Variants in CPT1A observed in about 807,000 individuals in gnomAD.
CPT1A encodes the protein carnitine O-palmitoyltransferase 1, liver isoform.
Under a neutral mutation model 100.8 loss-of-function variants are expected in CPT1A, and 64 were observed. The ratio of observed to expected loss-of-function variants is 0.63; its 90% CI spans 0.52 to 0.78. The LOEUF is 0.78. Ranked by LOEUF, CPT1A falls within the 30% of genes least tolerant of loss-of-function variation. CPT1A has a pLI of 0.00. For missense variants in CPT1A, 802 were observed against 1,034.1 expected (o/e 0.78, Z 3.08); for synonymous variants, 363 against 396.0 (o/e 0.92, Z 0.99).
At position 68,756,720 on chromosome 11, in the gene CPT1A, G is replaced by A. The variant is rs1566335610; in HGVS notation, c.*924C>T. ...CTTGAGTGAATTATCTGACCATCAC[G>A]GCCCTTGCTCCCCTTTTATGACATG... On this transcript the variant is annotated 3_prime_UTR_variant, in exon 19 of 19. Coordinates refer to ENST00000265641, the MANE Select transcript of CPT1A (RefSeq NM_001876.4). 6.6e-6 allele frequency: 1 copy of A among 152,172 alleles called. No individual in the cohort carries two copies. The highest frequency in any genetic ancestry group is 1.5e-5 in the Non-Finnish European group (1 of 68,056). 9.4% of individuals were successfully genotyped at this position (152,172 alleles called of 1,614,324 possible).
chr11:68,809,690 C>G (rs1347145616), intron 3 of CPT1A, among the ~76,000 whole-genome samples: 2 of 152,162 alleles, frequency 1.3e-5, no homozygotes, highest in Non-Finnish European at 2.9e-5. Flanking sequence ...CAGGAAATGG[C>G]CCATGAGGCT....
chr11:68,798,071 C>T lies in CPT1A; in HGVS notation c.694-1138G>A, dbSNP rs146393738. Among the ~76,000 whole-genome samples, 755 of 152,308 alleles carry T rather than the reference C, an allele frequency of 5.0e-3. 2 individuals are homozygous for T. Among genetic ancestry groups the T allele is most frequent in the Non-Finnish European group, 8.6e-3 (587 of 68,024 alleles). On this transcript the variant is annotated intron_variant, in intron 6 of 18. Coordinates refer to ENST00000265641, the MANE Select transcript of CPT1A (RefSeq NM_001876.4). ...TCCCAGGTCTGCCTGAAGAAGCCACCGTCCCAGTCCGTGGCACTAACCTGG... is the reference window on the plus strand; with the variant it reads ...TCCCAGGTCTGCCTGAAGAAGCCACTGTCCCAGTCCGTGGCACTAACCTGG...
At chr11:68,783,590 C>T (rs1566356745) in intron 10 of CPT1A, among the ~76,000 whole-genome samples, 2 of 152,218 alleles carry the variant, frequency 1.3e-5, no homozygotes, top group Admixed American at 6.5e-5. Flanking sequence ...CCAGCGATAG[C>T]GTAGCAGTTG....
intron 13 of CPT1A, chr11:68,773,696 G>A (rs1011119996): frequency 1.6e-5 from 7 of 449,024 alleles, no homozygotes; most frequent in Non-Finnish European, 2.9e-5. Flanking sequence ...GGAATATCAC[G>A]CGACCATCAG....
chr11:68,793,034 A>C (rs1175177723), intron 9 of CPT1A, among the ~76,000 whole-genome samples: 1 of 142,014 alleles, frequency 7.0e-6, no homozygotes, highest in Non-Finnish European at 1.5e-5. Flanking sequence ...GGTGGCAGAG[A>C]GAGACCTCAT....
At chr11:68,842,836 G>A (rs1038265393), upstream of CPT1A, among the ~76,000 whole-genome samples, 3 of 152,230 alleles carry the variant, frequency 2.0e-5, no homozygotes, top group Admixed American at 2.0e-4. Context: ...AGCGTAACAG[G>A]AGGGCCAAGG....
In CPT1A at chr11:68,841,818, C is replaced by T; in HGVS notation, c.-57G>A. On this transcript the variant is annotated 5_prime_UTR_variant, in exon 1 of 19. Transcript: ENST00000265641. The surrounding 1 kb of genome is among the most constrained non-coding windows in gnomAD (Gnocchi z 6.3). ...GCGGCAGCGGCAGCGGCAGCGGCGG[C>T]GGCGGCGGCGGCGGTGGAGTGAACG... 1 of 997,732 alleles carries T rather than the reference C, an allele frequency of 1.0e-6. No individual in the cohort carries two copies. The highest frequency in any genetic ancestry group is 1.2e-6 in the Non-Finnish European group (1 of 840,402). The allele number at this position is 997,732 out of a possible 1,614,324, so 61.8% of individuals were successfully genotyped here.
chr11:68,797,047 G>A (rs1181210933), intron 6 of CPT1A, 114 bp from the exon 7 acceptor site: 25 of 972,336 alleles, frequency 2.6e-5, no homozygotes, highest in Admixed American at 3.9e-5. Flanking sequence ...CAGACATTTC[G>A]GCGTCTAACA....
chr11:68,839,255 C>G (rs1413046690), intron 1 of CPT1A, among the ~76,000 whole-genome samples: 1 of 152,256 alleles, frequency 6.6e-6, no homozygotes, highest in Non-Finnish European at 1.5e-5. Flanking sequence ...CCGCTGCCAC[C>G]GCCCCTGCGC....
chr11:68,780,260 T>G (rs1050922931), intron 12 of CPT1A, among the ~76,000 whole-genome samples: 1 of 152,100 alleles, frequency 6.6e-6, no homozygotes, highest in Non-Finnish European at 1.5e-5. Context: ...AAAACTAAAT[T>G]GACTGTGGGG....
chr11:68,770,184 G>A (rs1372595627), intron 14 of CPT1A, among the ~76,000 whole-genome samples: 2 of 151,926 alleles, frequency 1.3e-5, no homozygotes, highest in East Asian at 1.9e-4. Context: ...AGTGCTCCTC[G>A]GCCTTCTTCC....
chr11:68,786,423 G>A (rs554598758), intron 9 of CPT1A, among the ~76,000 whole-genome samples: 1 of 152,268 alleles, frequency 6.6e-6, no homozygotes, highest in East Asian at 1.9e-4. Context: ...GTAGGACTAG[G>A]ACCAACCTAG....
chr11:68,819,280 A>G (rs954753145), intron 1 of CPT1A, among the ~76,000 whole-genome samples: 29 of 152,044 alleles, frequency 1.9e-4, no homozygotes, highest in Admixed American at 1.1e-3. Context: ...GGGTTTCACC[A>G]TGTTGGCCAG....
At chr11:68,825,513 T>G (rs1856700901) in intron 1 of CPT1A, among the ~76,000 whole-genome samples, 1 of 152,122 alleles carries the variant, frequency 6.6e-6, no homozygotes, top group African/African-American at 2.4e-5. Context: ...AAGTTGGCCA[T>G]GCCCAAGCCC....
chr11:68,837,347 T>C (rs1857034502), intron 1 of CPT1A, among the ~76,000 whole-genome samples: 1 of 152,204 alleles, frequency 6.6e-6, no homozygotes, highest in African/African-American at 2.4e-5. Flanking sequence ...TGCGCTTAGC[T>C]GACAGTTTCT....
At chr11:68,770,712 C>T (rs917128854) in intron 14 of CPT1A, among the ~76,000 whole-genome samples, 4 of 152,194 alleles carry the variant, frequency 2.6e-5, no homozygotes, top group African/African-American at 4.8e-5. Flanking sequence ...AGCCTCTCAC[C>T]GCTGGTGTAC....
At chr11:68,820,781 C>T (rs1344843258) in intron 1 of CPT1A, among the ~76,000 whole-genome samples, 2 of 152,140 alleles carry the variant, frequency 1.3e-5, no homozygotes, top group Admixed American at 6.5e-5. Context: ...ACGTGAATCA[C>T]CCCTTTGCCC....
rs1453766009 is a variant in CPT1A, at chr11:68,757,711, C to T, written c.2255G>A (p.Arg752Lys). 6.2e-7 allele frequency: 1 copy of T among 1,613,982 alleles called. No homozygotes were observed. Among genetic ancestry groups the T allele is most frequent in the African/African-American group, 1.3e-5 (1 of 74,938 alleles). ...GTCAGTCATTGCTTCTTTCAGGTGC[C>T]TTCCAAAGCGATGAGAATCCTTTCA... Reference protein sequence around the residue: ...CPETDSHRFGRHLKEAMTDII... With the variant: ...CPETDSHRFGKHLKEAMTDII... The change falls in exon 19 of 19, where the codon AGG becomes AAG. Residue 752 changes from arginine to lysine, a missense_variant. By Grantham distance (26) the Arg-to-Lys change is conservative. Around this residue, in one of 4 missense-constraint regions of CPT1A, gnomAD observed 627 missense variants for 799.3 expected, o/e 0.78. Transcript: ENST00000265641.
intron 5 of CPT1A, among the ~76,000 whole-genome samples, chr11:68,799,830 C>G (rs1323195569): frequency 1.3e-5 from 2 of 152,010 alleles, no homozygotes; most frequent in Admixed American, 6.6e-5. Context: ...AAACTCCCTT[C>G]AATGCTAAAT....
Sources: gnomAD v4.1 joint callset for allele counts (sites outside exome capture counted in the v4.1 genomes callset) on GRCh38, gnomAD v4.1.1 for gene constraint, gnomAD v4.1.1 regional missense constraint, Gnocchi (gnomAD v3.1) non-coding constraint, MANE v1.5 for transcripts, NCBI Gene and HGNC (gene_info 2026-07-23, HGNC 2026-07-21) for gene names.